Variants in PCP4 observed in about 807,000 individuals in gnomAD.
The protein encoded by PCP4 is calmodulin regulator protein PCP4.
In PCP4, 8 loss-of-function variants were observed where a neutral mutation model predicts 10.0. The observed-to-expected ratio is 0.80, with a 90% CI of 0.47 to 1.45. The LOEUF is 1.45. Ranked by LOEUF, PCP4 falls within the 40% of genes most tolerant of loss-of-function variation. The pLI is 0.00. For missense variants in PCP4, 54 were observed against 74.4 expected (o/e 0.73, Z 1.01); for synonymous variants, 21 against 23.0 (o/e 0.91, Z 0.24).
chr21:39,904,172 G>T (rs2087495603), intron 2 of PCP4, among the ~76,000 whole-genome samples: 1 of 152,110 alleles, frequency 6.6e-6, no homozygotes, highest in South Asian at 2.1e-4. Context: ...AATGGACTGT[G>T]ATTTTTCAAA....
At chr21:39,874,451 T>C (rs948746814) in intron 1 of PCP4, among the ~76,000 whole-genome samples, 10 of 152,340 alleles carry the variant, frequency 6.6e-5, no homozygotes, top group African/African-American at 2.4e-4. Flanking sequence ...GACACAGTCA[T>C]CTGTTCCCGT....
chr21:39,928,407 C>T (rs1041059145), intron 2 of PCP4, among the ~76,000 whole-genome samples: 3 of 152,178 alleles, frequency 2.0e-5, no homozygotes, highest in African/African-American at 7.2e-5. Flanking sequence ...AAGCCATTTG[C>T]CAAGTCTACC....
At chr21:39,927,287 T>G (rs530032105) in intron 2 of PCP4, among the ~76,000 whole-genome samples, 5 of 106,506 alleles carry the variant, frequency 4.7e-5, no homozygotes, top group Admixed American at 3.0e-4. Context: ...CTGATCTATC[T>G]ATCTATCTAT....
At chr21:39,917,365 C>A (rs1352258330) in intron 2 of PCP4, among the ~76,000 whole-genome samples, 1 of 152,142 alleles carries the variant, frequency 6.6e-6, no homozygotes. Context: ...ACTTCTGCCT[C>A]TCCTATCCTT....
At chr21:39,919,306 T>G (rs781055760) in intron 2 of PCP4, among the ~76,000 whole-genome samples, 4 of 152,228 alleles carry the variant, frequency 2.6e-5, no homozygotes, top group Admixed American at 6.5e-5. Flanking sequence ...AGCTGACAGA[T>G]GTTAATTCTT....
At chr21:39,925,688 C>T (rs370129447) in intron 2 of PCP4, among the ~76,000 whole-genome samples, 75 of 152,254 alleles carry the variant, frequency 4.9e-4, no homozygotes, top group Non-Finnish European at 6.2e-4. Context: ...CAGGCGTGGC[C>T]GAGGGCTTCC....
intron 1 of PCP4, among the ~76,000 whole-genome samples, chr21:39,897,898 T>C (rs1487198475): frequency 6.6e-6 from 1 of 151,624 alleles, no homozygotes; most frequent in Non-Finnish European, 1.5e-5. Context: ...TACAAAAAAT[T>C]AGCCGTACGT....
intron 2 of PCP4, among the ~76,000 whole-genome samples, chr21:39,916,672 A>G (rs1454535078): frequency 6.6e-6 from 1 of 152,230 alleles, no homozygotes; most frequent in Non-Finnish European, 1.5e-5. Context: ...GTATATGTTC[A>G]TTGCAGCACT....
chr21:39,910,179 G>C (rs899478864), intron 2 of PCP4, among the ~76,000 whole-genome samples: 1 of 152,144 alleles, frequency 6.6e-6, no homozygotes, highest in East Asian at 1.9e-4. Flanking sequence ...AGTCTCCTCG[G>C]ATGTCAGAGA....
chr21:39,905,904 C>T (rs2299764), intron 2 of PCP4, among the ~76,000 whole-genome samples: 10,592 of 152,018 alleles, frequency 0.07, 1,193 homozygotes, highest in African/African-American at 0.24. Flanking sequence ...AAAAATTAGC[C>T]GGGGGTGTGG....
chr21:39,882,732 A>G (rs1246526183), intron 1 of PCP4, among the ~76,000 whole-genome samples: 1 of 152,196 alleles, frequency 6.6e-6, no homozygotes, highest in African/African-American at 2.4e-5. Flanking sequence ...TCGTCTGTGT[A>G]AGAAAGACTT....
intron 2 of PCP4, among the ~76,000 whole-genome samples, chr21:39,924,798 GT>G (rs1243280602): frequency 6.6e-6 from 1 of 152,200 alleles, no homozygotes; most frequent in Non-Finnish European, 1.5e-5. Flanking sequence ...GTCTCTGAAT[GT>G]GCTGAGATTA....
chr21:39,891,602 A>G (rs887041350), intron 1 of PCP4, among the ~76,000 whole-genome samples: 1 of 152,232 alleles, frequency 6.6e-6, no homozygotes, highest in Admixed American at 6.5e-5. Context: ...CTGGGGGACC[A>G]CTACCATCAA....
chr21:39,905,287 T>G (rs904925411), intron 2 of PCP4, among the ~76,000 whole-genome samples: 6 of 152,048 alleles, frequency 3.9e-5, no homozygotes, highest in Non-Finnish European at 8.8e-5. Context: ...TGACTGATGC[T>G]CAAGAGATGG....
At position 39,906,901 on chromosome 21, in the gene PCP4, A is replaced by G. The variant is rs559517504; in HGVS notation, c.61+8374A>G. On this transcript the variant is annotated intron_variant, in intron 2 of 2. Coordinates refer to ENST00000328619, the MANE Select transcript of PCP4 (RefSeq NM_006198.3). This position sits in a 1 kb window ranked among gnomAD's most constrained non-coding sequence, Gnocchi z 6.3. ...CAAATGTTTCAGGTTCTGCTTGTCA[A>G]TTACTTTTATGGAAATAGTATTTCT... 9.2e-5 allele frequency among the ~76,000 whole-genome samples: 14 copies of G among 152,248 alleles called. No individual in the cohort carries two copies. The East Asian group carries it at 1.4e-3, about 15-fold the overall frequency.
chr21:39,929,164 G>C lies in PCP4; in HGVS notation c.*53G>C. On this transcript the variant is annotated 3_prime_UTR_variant, in exon 3 of 3. Coordinates refer to ENST00000328619, the MANE Select transcript of PCP4 (RefSeq NM_006198.3). ...AAAACACCAAATTCAACCATCATCT[G>C]TCAAGAAATTAAAAGAACAACACCC... The C allele has an allele frequency of 6.4e-7, 1 of 1,562,470 alleles. No individual in the cohort carries two copies. Among genetic ancestry groups the C allele is most frequent in the Non-Finnish European group, 8.7e-7 (1 of 1,149,982 alleles).
chr21:39,869,489 C>T (rs561722904), intron 1 of PCP4, among the ~76,000 whole-genome samples: 116 of 152,298 alleles, frequency 7.6e-4, no homozygotes, highest in Non-Finnish European at 1.5e-4. Flanking sequence ...ACAAGGGGCA[C>T]ATCCCACTTT....
At chr21:39,873,769 C>A (rs1280451006) in intron 1 of PCP4, among the ~76,000 whole-genome samples, 1 of 152,154 alleles carries the variant, frequency 6.6e-6, no homozygotes, top group Non-Finnish European at 1.5e-5. Flanking sequence ...AGCAAGCTTG[C>A]CACAGTCATC....
intron 1 of PCP4, among the ~76,000 whole-genome samples, chr21:39,895,264 A>G (rs1486800438): frequency 6.6e-6 from 1 of 152,150 alleles, no homozygotes; most frequent in Admixed American, 6.5e-5. Flanking sequence ...TCTGCTATTT[A>G]TTTTAGTAGA....
Sources: allele counts gnomAD v4.1 joint callset (sites outside exome capture counted in the v4.1 genomes callset), GRCh38; gene constraint gnomAD v4.1.1; non-coding constraint Gnocchi (gnomAD v3.1); transcripts MANE v1.5; gene names NCBI Gene and HGNC (gene_info 2026-07-23, HGNC 2026-07-21).